Variants in LTBP1 observed in about 807,000 individuals in gnomAD.
The protein encoded by LTBP1 is latent-transforming growth factor beta-binding protein 1.
LTBP1 carries 129 observed loss-of-function variants against 207.6 expected under a neutral mutation model. That is an observed-to-expected ratio of 0.62 (90% CI 0.54 to 0.72). LTBP1 has a LOEUF of 0.72. LTBP1 is among the 30% of genes least tolerant of loss of function. The pLI is 0.00. For missense variants in LTBP1, 2,281 were observed against 2,217.2 expected (o/e 1.03, Z -0.58); for synonymous variants, 963 against 833.7 (o/e 1.16, Z -2.67).
chr2:32,988,546 G>C (rs146079334), intron 2 of LTBP1, among the ~76,000 whole-genome samples: 45 of 152,318 alleles, frequency 3.0e-4, no homozygotes, highest in African/African-American at 1.1e-3. Context: ...GAAATCTCTA[G>C]ACTAAATGAG....
chr2:33,346,542 T>C (rs1305669400), intron 25 of LTBP1, among the ~76,000 whole-genome samples: 3 of 151,806 alleles, frequency 2.0e-5, no homozygotes, highest in Non-Finnish European at 4.4e-5. Context: ...AAATTAGCCA[T>C]GCATGGTGGT....
rs10526529 is a variant in LTBP1 at position 33,151,823 on chromosome 2, TTGTGTGTGTGTGTGTGTG to T, written c.1201+16901_1201+16918del. On this transcript the variant is annotated intron_variant, in intron 5 of 33. Coordinates refer to ENST00000404816, the MANE Select transcript of LTBP1 (RefSeq NM_206943.4). Reference sequence around the variant, plus strand: ...TTTTATGGCTGAGTAGTATTCCATTTTGTGTGTGTGTGTGTGTGTGTGTGTGTGTGTGTGTGTGTGTGT... The same window carrying T: ...TTTTATGGCTGAGTAGTATTCCATTTTGTGTGTGTGTGTGTGTGTGTGTGT... 1.9e-3 allele frequency among the ~76,000 whole-genome samples: 244 copies of T among 129,480 alleles called. 3 individuals are homozygous for T. The highest frequency in any genetic ancestry group is 3.9e-3 in the African/African-American group (140 of 35,532). 84.9% of individuals were successfully genotyped at this position (129,480 alleles called of 152,430 possible).
At chr2:32,993,298 A>G (rs763805079) in intron 2 of LTBP1, among the ~76,000 whole-genome samples, 2 of 152,130 alleles carry the variant, frequency 1.3e-5, no homozygotes, top group African/African-American at 4.8e-5. Flanking sequence ...AGAATTCAAG[A>G]GACATGGGGA....
At chr2:33,278,624 C>T (rs76065004) in intron 18 of LTBP1, among the ~76,000 whole-genome samples, 2,484 of 152,206 alleles carry the variant, frequency 0.016, 74 homozygotes, top group African/African-American at 0.057. Context: ...GGTAGAAATT[C>T]AGGGACATTA....
chr2:33,094,846 GA>G (rs933307278), intron 3 of LTBP1, among the ~76,000 whole-genome samples: 1 of 151,578 alleles, frequency 6.6e-6, no homozygotes, highest in African/African-American at 2.4e-5. Flanking sequence ...TCTTCCAAAT[GA>G]AAAAAAAGTT....
intron 10 of LTBP1, among the ~76,000 whole-genome samples, chr2:33,251,766 G>T (rs2092693361): frequency 6.6e-6 from 1 of 151,938 alleles, no homozygotes; most frequent in Non-Finnish European, 1.5e-5. Context: ...AAGAGCTTTG[G>T]TTGGGTTTGG....
intron 5 of LTBP1, among the ~76,000 whole-genome samples, chr2:33,158,536 AG>A (rs1198437039): frequency 1.3e-5 from 2 of 152,178 alleles, no homozygotes; most frequent in Non-Finnish European, 2.9e-5. Context: ...GGTGACTTAT[AG>A]TTCCCTGGTT....
intron 31 of LTBP1, among the ~76,000 whole-genome samples, chr2:33,386,077 C>A (rs1042955205): frequency 1.3e-5 from 2 of 152,208 alleles, no homozygotes; most frequent in East Asian, 3.8e-4. Context: ...TAGCCTTGGT[C>A]TAGTCAGAAG....
intron 4 of LTBP1, among the ~76,000 whole-genome samples, chr2:33,112,385 T>G (rs1296944876): frequency 6.6e-6 from 1 of 152,224 alleles, no homozygotes; most frequent in Non-Finnish European, 1.5e-5. Context: ...AATGTGAAGA[T>G]AAGTTTCTTA....
chr2:33,097,833 A>T (rs1255038350), intron 3 of LTBP1, among the ~76,000 whole-genome samples: 2 of 152,136 alleles, frequency 1.3e-5, no homozygotes, highest in East Asian at 3.8e-4. Context: ...CCATTTTGTA[A>T]ATGTGCTGAT....
chr2:33,345,886 A>T (rs1326090820), intron 25 of LTBP1, among the ~76,000 whole-genome samples: 1 of 152,228 alleles, frequency 6.6e-6, no homozygotes, highest in Non-Finnish European at 1.5e-5. Context: ...ACTTTAAGTC[A>T]GGTGCTTTAC....
chr2:33,357,097 A>G (rs2094872187), intron 26 of LTBP1, among the ~76,000 whole-genome samples: 1 of 151,934 alleles, frequency 6.6e-6, no homozygotes, highest in African/African-American at 2.4e-5. Flanking sequence ...GACCAACTAC[A>G]TGTTGTAGAT....
chr2:33,311,427 A>G (rs13018076), intron 23 of LTBP1, among the ~76,000 whole-genome samples: 1,911 of 152,184 alleles, frequency 0.013, 33 homozygotes, highest in African/African-American at 0.043. Flanking sequence ...ACTTAATGCA[A>G]AAGAGAAGGA....
intron 3 of LTBP1, among the ~76,000 whole-genome samples, chr2:33,087,007 A>G (rs1301585891): frequency 1.3e-5 from 2 of 149,040 alleles, no homozygotes; most frequent in African/African-American, 4.9e-5. Context: ...GATTATTCTT[A>G]GAGTCTTCTT....
At chr2:33,157,044 G>A (rs2084032426) in intron 5 of LTBP1, among the ~76,000 whole-genome samples, 1 of 152,218 alleles carries the variant, frequency 6.6e-6, no homozygotes, top group Non-Finnish European at 1.5e-5. Context: ...TGACTGAAGA[G>A]CAGAGGTTTT....
At chr2:33,130,763 A>G (rs1011457025) in intron 4 of LTBP1, among the ~76,000 whole-genome samples, 7 of 152,148 alleles carry the variant, frequency 4.6e-5, no homozygotes. Flanking sequence ...TTGACTGACT[A>G]GGAGGCCCAA....
At chr2:33,050,082 G>A (rs1202535047) in intron 3 of LTBP1, among the ~76,000 whole-genome samples, 2 of 151,790 alleles carry the variant, frequency 1.3e-5, no homozygotes, top group Non-Finnish European at 2.9e-5. Flanking sequence ...GGCCTCAAGC[G>A]ATCTTCCTGC....
At chr2:33,142,724 AAG>A (rs568872152) in intron 5 of LTBP1, among the ~76,000 whole-genome samples, 131 of 152,226 alleles carry the variant, frequency 8.6e-4, no homozygotes, top group African/African-American at 3.1e-3. Context: ...GCTTAACTAA[AAG>A]AGGGGTCCGT....
At chr2:32,987,597 A>G (rs1683787172) in intron 2 of LTBP1, among the ~76,000 whole-genome samples, 1 of 152,158 alleles carries the variant, frequency 6.6e-6, no homozygotes, top group Admixed American at 6.5e-5. Flanking sequence ...CAGTTTTGTC[A>G]TCTGTATGTG....
Sources: allele counts gnomAD v4.1 joint callset (sites outside exome capture counted in the v4.1 genomes callset), GRCh38; gene constraint gnomAD v4.1.1; transcripts MANE v1.5; gene names NCBI Gene and HGNC (gene_info 2026-07-23, HGNC 2026-07-21).